The following GNL2 variants were observed in gnomAD, a reference collection of about 807,000 sequenced individuals.
GNL2 encodes G protein nucleolar 2, also known as nucleolar GTP-binding protein 2.
GNL2 carries 51 observed loss-of-function variants against 92.3 expected under a neutral mutation model. That is an observed-to-expected ratio of 0.55 (90% confidence interval 0.44 to 0.70). The LOEUF is 0.70. Ranked by LOEUF, GNL2 falls within the 30% of genes least tolerant of loss-of-function variation. GNL2 has a pLI of 0.00. For synonymous variants in GNL2, 283 were observed against 300.6 expected (o/e 0.94, Z 0.61); for missense variants, 844 against 895.6 (o/e 0.94, Z 0.74).
intron 9 of GNL2, 80 bp downstream of exon 9, chr1:37,576,348 G>A: frequency 1.6e-6 from 2 of 1,271,978 alleles, no homozygotes; most frequent in East Asian, 2.3e-5. Context: ...GAGAAGCAGA[G>A]AGAAATCAAC....
In GNL2 at chr1:37,582,129, A is replaced by C. The variant is rs192586061; in HGVS notation, c.909+94T>G. On this transcript the variant is annotated intron_variant, in intron 8 of 15. Coordinates refer to ENST00000373062, the MANE Select transcript of GNL2 (RefSeq NM_013285.3). The stretch of plus-strand genomic sequence containing the variant: ...ACCTGCGCAACCACGTCCGGCTAAG[A>C]AGTTGGCAACTTTCTGCTATGCCAT... The C allele has an allele frequency of 3.8e-4, 291 of 767,788 alleles. 4 individuals are homozygous for C. In the East Asian group the frequency reaches 7.7e-3, roughly 20 times the overall value. 47.6% of individuals were successfully genotyped at this position (767,788 alleles called of 1,614,324 possible).
At chr1:37,587,178 A>T in intron 5 of GNL2, 133 bp downstream of exon 5, 2 of 625,876 alleles carry the variant, frequency 3.2e-6, no homozygotes. Context: ...GAGGCAGGAG[A>T]ATTGCTTGAA....
Position 37,575,898 on chromosome 1 carries a change from C to A in GNL2, c.1039-199G>T, listed in dbSNP as rs1289269624. 6.6e-6 allele frequency among the ~76,000 whole-genome samples: 1 copy of A among 152,184 alleles called. No homozygotes were observed. The highest frequency in any genetic ancestry group is 6.5e-5 in the Admixed American group (1 of 15,284). ...TCCACTAAGTGTAAACTATAGTTTCCATCAGCTAAGAGTCTAAAAACAACA... is the reference window on the plus strand; with the variant it reads ...TCCACTAAGTGTAAACTATAGTTTCAATCAGCTAAGAGTCTAAAAACAACA... On this transcript the variant is annotated intron_variant, in intron 9 of 15. Transcript: ENST00000373062. The surrounding 1 kb of genome is among the most constrained non-coding windows in gnomAD (Gnocchi z 4.1).
intron 9 of GNL2, 186 bp downstream of exon 9, chr1:37,576,242 A>C: frequency 3.6e-6 from 2 of 553,544 alleles, no homozygotes; most frequent in Middle Eastern, 4.1e-4. Context: ...GGGCATATAA[A>C]ATACTCTCAG....
At chr1:37,590,906 A>T in intron 3 of GNL2, 61 bp from the exon 4 acceptor site, 3 of 1,346,656 alleles carry the variant, frequency 2.2e-6, no homozygotes, top group Non-Finnish European at 2.0e-6. Flanking sequence ...TCTTCCACTG[A>T]CACGGTGAAA....
intron 4 of GNL2, among the ~76,000 whole-genome samples, chr1:37,588,199 C>T (rs1335504308): frequency 2.6e-5 from 4 of 151,792 alleles, no homozygotes; most frequent in Non-Finnish European, 5.9e-5. Context: ...AAAGGAGTTA[C>T]AGGCATAGGA....
Position 37,593,843 on chromosome 1 carries a change from C to T in GNL2, c.68G>A (p.Arg23Gln). The T allele has an allele frequency of 1.9e-6, 3 of 1,611,146 alleles. No homozygotes were observed. Among genetic ancestry groups the T allele is most frequent in the East Asian group, 2.2e-5 (1 of 44,818 alleles). ...GTTTTGGCCTCCTGCTCCCTGCACT[C>T]GATCTACAAAAGGCAGAAGTACACA... ...NPSKASTNPD[R>Q]VQGAGGQNMR... Residue 23 changes from arginine (R) to glutamine (Q), a missense_variant, in exon 2 of 16, where the codon CGA (arginine) becomes CAA (glutamine). Coordinates refer to ENST00000373062, the MANE Select transcript of GNL2 (RefSeq NM_013285.3).
chr1:37,573,895 A>AT (rs1365610221), intron 12 of GNL2, among the ~76,000 whole-genome samples: 7 of 151,658 alleles, frequency 4.6e-5, no homozygotes, highest in South Asian at 4.2e-4. Flanking sequence ...CCTCAAAAAA[A>AT]TTTTTTTTTA....
At chr1:37,593,896 A>T in intron 1 of GNL2, 50 bp from the exon 2 acceptor site, 1 of 1,351,842 alleles carries the variant, frequency 7.4e-7, no homozygotes, top group Non-Finnish European at 1.1e-6. Flanking sequence ...CAACCAGTAT[A>T]ACCAACAAGT....
chr1:37,579,803 G>A (rs1219246416), intron 8 of GNL2, among the ~76,000 whole-genome samples: 1 of 148,772 alleles, frequency 6.7e-6, no homozygotes, highest in Non-Finnish European at 1.5e-5. Context: ...GGCTGAGGCA[G>A]GAGAATCGCT....
intron 12 of GNL2, among the ~76,000 whole-genome samples, chr1:37,573,754 G>C (rs1426223728): frequency 3.9e-5 from 6 of 152,166 alleles, no homozygotes; most frequent in Non-Finnish European, 7.4e-5. Context: ...ATCTAAGTTT[G>C]GTCTTCTCTC....
At position 37,592,595 on chromosome 1, in the gene GNL2, G is replaced by C. The variant is rs1047097163; in HGVS notation, c.244+117C>G. ...AGTAATTCTTCTTATCCCTTTCTCA[G>C]ATAATCCTTGCCGGTTTCACTCACC... On this transcript the variant is annotated intron_variant, in intron 3 of 15. Transcript: ENST00000373062. The C allele has an allele frequency of 9.2e-6, 6 of 648,806 alleles. No homozygotes were observed. In the African/African-American group the frequency reaches 1.1e-4, roughly 12 times the overall value. The allele number at this position is 648,806 out of a possible 1,614,324, so 40.2% of individuals were successfully genotyped here.
intron 3 of GNL2, among the ~76,000 whole-genome samples, chr1:37,592,132 C>T (rs1391615927): frequency 6.6e-6 from 1 of 152,196 alleles, no homozygotes; most frequent in Non-Finnish European, 1.5e-5. Context: ...GGGGTCTGAT[C>T]ATCTAAAGTG....
chr1:37,570,575 A>T (rs551450085), intron 12 of GNL2: 1 of 151,534 alleles, frequency 6.6e-6, no homozygotes, highest in South Asian at 2.1e-4. Context: ...AGCAAGTTTG[A>T]CCCTCTCTTG....
rs1045600265 is a variant in GNL2 at position 37,575,679 on chromosome 1, C to T, written c.1059G>A (p.Leu353=). Residue 353 remains leucine (L), a synonymous_variant, in exon 10 of 16, where the codon TTG becomes TTA. Transcript: ENST00000373062. The surrounding 1 kb of genome is among the most constrained non-coding windows in gnomAD (Gnocchi z 4.1). ...AGTCAATCAGGAATATCCGACGCAT[C>T]AAAGTAATATACTGCCAGACCTGAA... ...GETKVWQYIT[L]MRRIFLIDCP... The T allele has an allele frequency of 3.7e-6, 6 of 1,602,396 alleles. No homozygotes were observed. In the African/African-American group the frequency reaches 8.1e-5, roughly 22 times the overall value.
rs933542574 is a variant in GNL2, at chr1:37,587,306, T to C, written c.569+5A>G. On this transcript the variant is annotated splice_donor_5th_base_variant and intron_variant, in intron 5 of 15. Coordinates refer to ENST00000373062, the MANE Select transcript of GNL2 (RefSeq NM_013285.3). Reference sequence around the variant, plus strand: ...AAAAACAAAGAAGCAAAAAAAAAAATGTACCTCACACCAGTGTCTTCAGTT... The same window carrying C: ...AAAAACAAAGAAGCAAAAAAAAAAACGTACCTCACACCAGTGTCTTCAGTT... The C allele has an allele frequency of 4.1e-6, 6 of 1,471,494 alleles. No individual in the cohort carries two copies. In the Admixed American group the frequency reaches 7.3e-5, roughly 18 times the overall value. 91.2% of individuals were successfully genotyped at this position (1,471,494 alleles called of 1,614,324 possible). A position where few individuals can be genotyped will look rare whatever the true frequency, so the allele number is the denominator to read the frequency against.
intron 6 of GNL2, 71 bp from the exon 7 acceptor site, chr1:37,583,007 T>G: frequency 9.8e-7 from 1 of 1,018,290 alleles, no homozygotes; most frequent in Admixed American, 2.5e-5. Context: ...TAAGGGAGTC[T>G]GGGAAAAATA....
chr1:37,592,635 T>C, intron 3 of GNL2, 77 bp downstream of exon 3: 1 of 804,156 alleles, frequency 1.2e-6, no homozygotes, highest in East Asian at 2.5e-5. Flanking sequence ...ACTCCTGCTG[T>C]TTAGACATTT....
intron 4 of GNL2, 148 bp from the exon 5 acceptor site, chr1:37,587,643 T>C (rs1468738713): frequency 3.9e-6 from 2 of 511,354 alleles, no homozygotes; most frequent in Non-Finnish European, 6.8e-6. Context: ...TTCAGTCTGG[T>C]TTCAAATCAG....
Sources: gnomAD v4.1 joint callset for allele counts (sites outside exome capture counted in the v4.1 genomes callset) on GRCh38, gnomAD v4.1.1 for gene constraint, Gnocchi (gnomAD v3.1) non-coding constraint, MANE v1.5 for transcripts, NCBI Gene and HGNC (gene_info 2026-07-23, HGNC 2026-07-21) for gene names.